JMJD6: variants seen among roughly 807,000 people sequenced by gnomAD.
JMJD6 encodes bifunctional arginine demethylase and lysyl-hydroxylase JMJD6.
Under a neutral mutation model 45.8 loss-of-function variants are expected in JMJD6, and 17 were observed. That is an observed-to-expected ratio of 0.37 (90% CI 0.25 to 0.56). JMJD6 has a LOEUF of 0.56. Among genes scored for constraint, JMJD6 ranks in the 20% least tolerant of loss-of-function variants. The probability of loss-of-function intolerance (pLI) is 0.79; values close to 1 mark genes in which losing one functional copy is unlikely to be tolerated. For missense variants in JMJD6, 470 were observed against 517.5 expected (o/e 0.91, Z 0.89); for synonymous variants, 221 against 196.3 (o/e 1.13, Z -1.05).
rs746898151 is a variant in JMJD6 at position 76,723,978 on chromosome 17, A to G, written c.599T>C (p.Val200Ala). Residue 200 changes from valine to alanine, a missense_variant, in exon 3 of 6, where the codon GTT (valine) becomes GCT (alanine). Val to Ala is a moderately conservative substitution (Grantham distance 64). This residue lies in a region of JMJD6 where 346 missense variants were observed against 339.5 expected (regional missense o/e 1.02). Coordinates refer to ENST00000397625, the MANE Select transcript of JMJD6 (RefSeq NM_015167.3). ...CAGGCACCAGCGCTTGTGGCCCTGA[A>G]CTAAGGCATTCCAGGCACTGGTTCC... Reference protein sequence around the residue: ...PLGTSAWNALVQGHKRWCLFP... With the variant: ...PLGTSAWNALAQGHKRWCLFP... 2 of 1,614,150 alleles carry G rather than the reference A, an allele frequency of 1.2e-6. No homozygotes were observed. Among genetic ancestry groups the G allele is most frequent in the Non-Finnish European group, 8.5e-7 (1 of 1,180,008 alleles).
At chr17:76,717,641 A>C (rs933649490), downstream of JMJD6, among the ~76,000 whole-genome samples, 29 of 151,972 alleles carry the variant, frequency 1.9e-4, no homozygotes, top group Admixed American at 4.6e-4. Flanking sequence ...TGAGGTGAGG[A>C]GTTCAAGACC....
At chr17:76,719,499 G>C (rs995123195) in intron 5 of JMJD6, among the ~76,000 whole-genome samples, 1 of 152,126 alleles carries the variant, frequency 6.6e-6, no homozygotes, top group East Asian at 1.9e-4. Flanking sequence ...ATGTTGGCCA[G>C]GCTGGTCTTG....
downstream of JMJD6, chr17:76,716,815 A>G (rs2076768201): frequency 2.2e-6 from 3 of 1,349,930 alleles, no homozygotes; most frequent in South Asian, 3.5e-5. Flanking sequence ...GACCCCCGGG[A>G]CCCCACGTGG....
At chr17:76,726,288 G>A (rs1488180978) in intron 1 of JMJD6, 59 bp downstream of exon 1, 3 of 1,513,408 alleles carry the variant, frequency 2.0e-6, no homozygotes, top group East Asian at 2.7e-5. Flanking sequence ...CCAGAGAAAG[G>A]TGCGTAGCGG....
At chr17:76,719,360 C>T (rs1365378464) in intron 5 of JMJD6, among the ~76,000 whole-genome samples, 1 of 152,022 alleles carries the variant, frequency 6.6e-6, no homozygotes, top group Non-Finnish European at 1.5e-5. Context: ...ATGATCTTGG[C>T]TCACCGTAGC....
chr17:76,717,367 A>G (rs997810079), downstream of JMJD6, among the ~76,000 whole-genome samples: 5 of 152,194 alleles, frequency 3.3e-5, no homozygotes, highest in African/African-American at 1.2e-4. Context: ...GTATTTTACT[A>G]TCTTCCAACA....
chr17:76,725,935 C>G (rs978172846), intron 1 of JMJD6, 80 bp from the exon 2 acceptor site: 14 of 1,464,248 alleles, frequency 9.6e-6, no homozygotes, highest in Non-Finnish European at 1.1e-5. Context: ...CCAAGGCCAA[C>G]TGGTAATGAC....
Position 76,726,540 on chromosome 17 carries a change from C to A in JMJD6, c.-65G>T. The A allele has an allele frequency of 6.6e-7, 1 of 1,525,444 alleles. No individual in the cohort carries two copies. Among genetic ancestry groups the A allele is most frequent in the Admixed American group, 2.1e-5 (1 of 47,634 alleles). 94.5% of individuals were successfully genotyped at this position (1,525,444 alleles called of 1,614,324 possible). On this transcript the variant is annotated 5_prime_UTR_variant, in exon 1 of 6. Coordinates refer to ENST00000397625, the MANE Select transcript of JMJD6 (RefSeq NM_015167.3). ...CAGCCCGCTTCCTGACACTAACGCA[C>A]CCCTCCCCGGCCTGGGCGGCGGCGA...
downstream of JMJD6, among the ~76,000 whole-genome samples, chr17:76,717,619 G>A (rs975264001): frequency 6.6e-6 from 1 of 151,904 alleles, no homozygotes; most frequent in South Asian, 2.1e-4. Context: ...AGGCTGAGGT[G>A]GGGGGATCAC....
rs1477652482 is a variant in JMJD6 at position 76,720,408 on chromosome 17, G to A, written c.1032C>T (p.Ser344=). The part of the protein sequence containing the change: ...ESTGIASDSS[S]DSSSSSSSSS... ...TGGAGCTGGAGGAGCTGGAAGAGTC[G>A]CTGGAGCTGTCGGAAGCTATCCCTG... Residue 344 remains serine, a synonymous_variant, in exon 5 of 6, where the codon AGC becomes AGT. Transcript: ENST00000397625. 1.4e-5 allele frequency: 22 copies of A among 1,613,984 alleles called. No individual in the cohort carries two copies. The highest frequency in any genetic ancestry group is 1.5e-5 in the Non-Finnish European group (18 of 1,179,994).
intron 2 of JMJD6, 58 bp downstream of exon 2, chr17:76,725,409 A>AT (rs2076901592): frequency 9.0e-7 from 1 of 1,117,084 alleles, no homozygotes; most frequent in African/African-American, 1.7e-5. Context: ...TCTGTCTCAA[A>AT]AAAAAAAAAA....
chr17:76,716,613 G>A (rs2076765861), downstream of JMJD6: 4 of 1,355,594 alleles, frequency 3.0e-6, no homozygotes, highest in South Asian at 3.5e-5. Context: ...AGGAGCAGAA[G>A]ATGCGAGAAC....
intron 1 of JMJD6, 31 bp from the exon 2 acceptor site, chr17:76,725,886 A>T (rs1426237444): frequency 2.5e-4 from 50 of 196,118 alleles, no homozygotes; most frequent in Non-Finnish European, 4.2e-4. Context: ...CTGTCCAGTT[A>T]AAAAAAAAAA....
chr17:76,716,340 C>T (rs978277010), downstream of JMJD6: 11 of 245,106 alleles, frequency 4.5e-5, no homozygotes, highest in South Asian at 6.1e-5. Flanking sequence ...AACTCCTTAC[C>T]GACATCCGTG....
Position 76,718,584 on chromosome 17 carries a change from A to T in JMJD6, c.*145T>A, listed in dbSNP as rs1189595011. 7.0e-7 allele frequency: 1 copy of T among 1,436,800 alleles called. No individual in the cohort carries two copies. The highest frequency in any genetic ancestry group is 2.9e-5 in the Admixed American group (1 of 34,428). The allele number at this position is 1,436,800 out of a possible 1,614,324, so 89.0% of individuals were successfully genotyped here. A position where few individuals can be genotyped will look rare whatever the true frequency, so the allele number is the denominator to read the frequency against. Reference sequence around the variant, plus strand: ...GGGAAAGCTACTGGAGCAAACGCTAAGTGAATGGGTTCCCGTGCCGAGGGT... The same window carrying T: ...GGGAAAGCTACTGGAGCAAACGCTATGTGAATGGGTTCCCGTGCCGAGGGT... On this transcript the variant is annotated 3_prime_UTR_variant, in exon 6 of 6. Coordinates refer to ENST00000397625, the MANE Select transcript of JMJD6 (RefSeq NM_015167.3).
chr17:76,726,419 C>G lies in JMJD6; in HGVS notation c.57G>C (p.Glu19Asp). Residue 19 changes from glutamate to aspartate, a missense_variant, in exon 1 of 6, where the codon GAG (glutamate) becomes GAC (aspartate). By Grantham distance (45) the Glu-to-Asp change is conservative (BLOSUM62 2). This residue lies in a region of JMJD6 where 346 missense variants were observed against 339.5 expected (regional missense o/e 1.02). Coordinates refer to ENST00000397625, the MANE Select transcript of JMJD6 (RefSeq NM_015167.3). Reference protein sequence around the residue: ...IREAKRSARPELKDSLDWTRH... With the variant: ...IREAKRSARPDLKDSLDWTRH... Reference sequence around the variant, plus strand: ...GGGTCCAATCCAGCGAGTCCTTGAGCTCCGGCCGCGCACTCCGCTTGGCCT... The same window carrying G: ...GGGTCCAATCCAGCGAGTCCTTGAGGTCCGGCCGCGCACTCCGCTTGGCCT... 1 of 1,605,054 alleles carries G rather than the reference C, an allele frequency of 6.2e-7. No homozygotes were observed. The highest frequency in any genetic ancestry group is 8.5e-7 in the Non-Finnish European group (1 of 1,176,648).
chr17:76,720,328 C>T, intron 5 of JMJD6, 32 bp downstream of exon 5: 2 of 1,609,210 alleles, frequency 1.2e-6, no homozygotes, highest in Non-Finnish European at 8.5e-7. Flanking sequence ...GCCTTGGAGG[C>T]TCCAGGAGTC....
At chr17:76,716,989 C>A (rs1209165974), downstream of JMJD6, among the ~76,000 whole-genome samples, 1 of 152,138 alleles carries the variant, frequency 6.6e-6, no homozygotes, top group Non-Finnish European at 1.5e-5. Flanking sequence ...AATGCACATT[C>A]CAGTTTGATA....
rs879606561 is a variant in JMJD6, at chr17:76,718,537, G to A, written c.*192C>T. 9 of 1,375,250 alleles carry A rather than the reference G, an allele frequency of 6.5e-6. No individual in the cohort carries two copies. The highest frequency in any genetic ancestry group is 3.0e-5 in the African/African-American group (2 of 67,308). 85.2% of individuals were successfully genotyped at this position (1,375,250 alleles called of 1,614,324 possible). Reference sequence around the variant, plus strand: ...CTCTTGCCTGAGTAAAACAAGCCGCGTTTATCTGCATTGGTAGCAGAGGGA... The same window carrying A: ...CTCTTGCCTGAGTAAAACAAGCCGCATTTATCTGCATTGGTAGCAGAGGGA... On this transcript the variant is annotated 3_prime_UTR_variant, in exon 6 of 6. Transcript: ENST00000397625.
Sources: allele counts gnomAD v4.1 joint callset (sites outside exome capture counted in the v4.1 genomes callset), GRCh38; gene constraint gnomAD v4.1.1; regional missense constraint gnomAD v4.1.1; transcripts MANE v1.5; gene names NCBI Gene and HGNC (gene_info 2026-07-23, HGNC 2026-07-21).